Variants in PAK5 observed in about 807,000 individuals in gnomAD.
PAK5 encodes the protein p21 (RAC1) activated kinase 5.
PAK5 carries 16 observed loss-of-function variants against 65.9 expected under a neutral mutation model. That is an observed-to-expected ratio of 0.24 (90% confidence interval 0.16 to 0.37). The LOEUF is 0.37. Ranked by LOEUF, PAK5 falls within the 10% of genes least tolerant of loss-of-function variation. The probability of loss-of-function intolerance (pLI) is 1.00; values close to 1 mark genes in which losing one functional copy is unlikely to be tolerated. For missense variants in PAK5, 785 were observed against 903.9 expected (o/e 0.87, Z 1.69); for synonymous variants, 371 against 354.9 (o/e 1.05, Z -0.51).
intron 1 of PAK5, among the ~76,000 whole-genome samples, chr20:9,785,474 T>C (rs2048982752): frequency 6.6e-6 from 1 of 152,192 alleles, no homozygotes; most frequent in Admixed American, 6.5e-5. Flanking sequence ...TTTTGCCAAC[T>C]TTTCAAGTTA....
intron 3 of PAK5, among the ~76,000 whole-genome samples, chr20:9,603,202 T>C (rs1048907179): frequency 2.0e-5 from 3 of 152,212 alleles, no homozygotes; most frequent in Non-Finnish European, 2.9e-5. Flanking sequence ...ACAGTGACTT[T>C]CTGGGTAGAT....
intron 3 of PAK5, among the ~76,000 whole-genome samples, chr20:9,637,444 T>C (rs533065087): frequency 1.3e-5 from 2 of 152,286 alleles, no homozygotes; most frequent in Admixed American, 1.3e-4. Flanking sequence ...GTAGACTCCC[T>C]AAAAGAGTCT....
chr20:9,602,239 C>T lies in PAK5; in HGVS notation c.205-21309G>A, dbSNP rs183118899. Among the ~76,000 whole-genome samples the T allele has an allele frequency of 2.9e-3, 442 of 151,008 alleles. 9 individuals carry two copies. The highest frequency in any genetic ancestry group is 9.9e-4 in the Non-Finnish European group (67 of 67,754). On this transcript the variant is annotated intron_variant, in intron 3 of 9. Transcript: ENST00000353224. ...CCAGGAGGCGGAGGTTGCAGTGAGCCGAGATCACACCACTGCACTCCAGCC... is the reference window on the plus strand; with the variant it reads ...CCAGGAGGCGGAGGTTGCAGTGAGCTGAGATCACACCACTGCACTCCAGCC...
At chr20:9,797,716 A>G (rs2123729115) in intron 1 of PAK5, among the ~76,000 whole-genome samples, 1 of 149,434 alleles carries the variant, frequency 6.7e-6, no homozygotes, top group East Asian at 2.0e-4. Flanking sequence ...ATAAAATGGG[A>G]GAAGGAGAGG....
chr20:9,809,620 T>A (rs184100451), intron 1 of PAK5, among the ~76,000 whole-genome samples: 227 of 152,330 alleles, frequency 1.5e-3, no homozygotes, highest in African/African-American at 5.2e-3. Flanking sequence ...ATAGTTTTTT[T>A]AAGATGCTTT....
At chr20:9,802,606 T>C (rs947955835) in intron 1 of PAK5, among the ~76,000 whole-genome samples, 10 of 151,980 alleles carry the variant, frequency 6.6e-5, no homozygotes, top group Non-Finnish European at 1.2e-4. Flanking sequence ...ATGTTTCCCA[T>C]TCAAAATAAT....
chr20:9,573,702 GC>G (rs967828894), intron 4 of PAK5, among the ~76,000 whole-genome samples: 1 of 152,188 alleles, frequency 6.6e-6, no homozygotes, highest in Non-Finnish European at 1.5e-5. Context: ...TGGCACTGTG[GC>G]CTTCTGTTCT....
chr20:9,709,427 C>A (rs2048050613), intron 2 of PAK5, among the ~76,000 whole-genome samples: 1 of 152,122 alleles, frequency 6.6e-6, no homozygotes, highest in Non-Finnish European at 1.5e-5. Flanking sequence ...ACCAGCTTGT[C>A]CATGCTGTTT....
chr20:9,580,139 C>T lies in PAK5; in HGVS notation c.990+6G>A, dbSNP rs751844109. On this transcript the variant is annotated splice_donor_region_variant and intron_variant, in intron 4 of 9. Coordinates refer to ENST00000353224, the MANE Select transcript of PAK5 (RefSeq NM_177990.4). Reference sequence around the variant, plus strand: ...CACGTGAGGGAAAGGAGGTAGCAAACGTTACCTTTGGAATGCACATTGTGG... The same window carrying T: ...CACGTGAGGGAAAGGAGGTAGCAAATGTTACCTTTGGAATGCACATTGTGG... The T allele has an allele frequency of 3.3e-5, 53 of 1,601,832 alleles. No homozygotes were observed. The highest frequency in any genetic ancestry group is 4.4e-5 in the Non-Finnish European group (51 of 1,172,408).
At chr20:9,550,619 C>T (rs2045411930) in intron 7 of PAK5, among the ~76,000 whole-genome samples, 1 of 151,948 alleles carries the variant, frequency 6.6e-6, no homozygotes, top group African/African-American at 2.4e-5. Context: ...TCATTCAAGC[C>T]AACTAAATTT....
intron 1 of PAK5, among the ~76,000 whole-genome samples, chr20:9,773,170 A>G (rs1186865641): frequency 6.6e-6 from 1 of 152,200 alleles, no homozygotes; most frequent in Admixed American, 6.5e-5. Context: ...ATGCAAGTGT[A>G]CCATCTCCAC....
chr20:9,551,726 G>A (rs528057828), intron 7 of PAK5, among the ~76,000 whole-genome samples: 10 of 152,292 alleles, frequency 6.6e-5, no homozygotes, highest in African/African-American at 2.2e-4. Context: ...AGTGTACAAT[G>A]TATGTAGCAT....
At chr20:9,772,506 C>T (rs568654520) in intron 1 of PAK5, among the ~76,000 whole-genome samples, 10 of 152,290 alleles carry the variant, frequency 6.6e-5, no homozygotes, top group Admixed American at 3.3e-4. Context: ...CTCATGTCAC[C>T]GGCTCTAAAC....
intron 1 of PAK5, among the ~76,000 whole-genome samples, chr20:9,821,850 T>A (rs1326286950): frequency 6.6e-6 from 1 of 152,184 alleles, no homozygotes; most frequent in East Asian, 1.9e-4. Context: ...TCAAAATCAT[T>A]TTGTATTATA....
intron 2 of PAK5, among the ~76,000 whole-genome samples, chr20:9,689,179 A>C (rs2047759642): frequency 1.3e-5 from 2 of 152,156 alleles, no homozygotes; most frequent in South Asian, 4.1e-4. Context: ...CTGAGTCAGG[A>C]GGTGTCACTG....
intron 2 of PAK5, among the ~76,000 whole-genome samples, chr20:9,710,200 A>C (rs981732341): frequency 6.6e-6 from 1 of 152,154 alleles, no homozygotes; most frequent in African/African-American, 2.4e-5. Context: ...TGTTCTTAGA[A>C]GTCAGGAGCC....
At chr20:9,772,468 T>TCTA (rs150362900) in intron 1 of PAK5, among the ~76,000 whole-genome samples, 121,305 of 151,928 alleles carry the variant, frequency 0.8, 48,779 homozygotes, top group African/African-American at 0.91. Context: ...ATGCCATTGG[T>TCTA]CAGAGGTCAA....
At chr20:9,604,332 A>G (rs993422127) in intron 3 of PAK5, among the ~76,000 whole-genome samples, 13 of 152,198 alleles carry the variant, frequency 8.5e-5, no homozygotes, top group African/African-American at 3.1e-4. Context: ...TTTGCAAGCA[A>G]TTGCGGTTTT....
intron 3 of PAK5, among the ~76,000 whole-genome samples, chr20:9,640,678 A>G (rs886995847): frequency 2.6e-5 from 4 of 151,778 alleles, no homozygotes; most frequent in Non-Finnish European, 4.4e-5. Context: ...GTCTCTTCTG[A>G]TGTTCAGATG....
Sources: gnomAD v4.1 joint callset for allele counts (sites outside exome capture counted in the v4.1 genomes callset) on GRCh38, gnomAD v4.1.1 for gene constraint, MANE v1.5 for transcripts, NCBI Gene and HGNC (gene_info 2026-07-23, HGNC 2026-07-21) for gene names.